Variants in ZHX2 observed in about 807,000 individuals in gnomAD.
ZHX2 encodes the protein zinc fingers and homeoboxes 2.
Under a neutral mutation model 21.9 loss-of-function variants are expected in ZHX2, and 6 were observed. The observed-to-expected ratio is 0.27, with a 90% CI of 0.15 to 0.54. The LOEUF (loss-of-function observed/expected upper bound fraction) is 0.54, where lower values mean the gene tolerates loss of function less well. ZHX2 is among the 20% of genes least tolerant of loss of function. The probability of loss-of-function intolerance (pLI) is 0.95; values close to 1 mark genes in which losing one functional copy is unlikely to be tolerated. For synonymous variants in ZHX2, 434 were observed against 437.1 expected, an observed-to-expected ratio of 0.99 and a Z score of 0.09; for missense variants, 908 against 1,090.7, an observed-to-expected ratio of 0.83 and a Z score of 2.36.
intron 2 of ZHX2, among the ~76,000 whole-genome samples, chr8:122,927,483 A>G (rs1586394953): frequency 6.6e-6 from 1 of 152,068 alleles, no homozygotes; most frequent in African/African-American, 2.4e-5. Flanking sequence ...CAACAGAGTG[A>G]GATTCCATCT....
intron 2 of ZHX2, among the ~76,000 whole-genome samples, chr8:122,877,395 C>T (rs1313755117): frequency 1.3e-5 from 2 of 152,140 alleles, no homozygotes; most frequent in African/African-American, 4.8e-5. Flanking sequence ...AGTGCTTACT[C>T]CATCCCAGGC....
At chr8:122,924,906 G>A (rs952020153) in intron 2 of ZHX2, among the ~76,000 whole-genome samples, 2 of 152,146 alleles carry the variant, frequency 1.3e-5, no homozygotes, top group African/African-American at 4.8e-5. Context: ...AGTTACTTCT[G>A]CTGCTAATAA....
chr8:122,903,283 C>T (rs953744864), intron 2 of ZHX2, among the ~76,000 whole-genome samples: 7 of 152,230 alleles, frequency 4.6e-5, no homozygotes, highest in African/African-American at 1.7e-4. Context: ...AAGAGATTCA[C>T]ACTGACAGGC....
chr8:122,938,708 T>G (rs941469062), intron 2 of ZHX2, among the ~76,000 whole-genome samples: 8 of 151,910 alleles, frequency 5.3e-5, no homozygotes, highest in Non-Finnish European at 1.0e-4. Flanking sequence ...CATGGGGGGA[T>G]GTACCTGTTG....
chr8:122,797,057 C>G (rs1817626915), intron 1 of ZHX2, among the ~76,000 whole-genome samples: 1 of 152,172 alleles, frequency 6.6e-6, no homozygotes, highest in African/African-American at 2.4e-5. Context: ...TGGTTTCCTT[C>G]AGGTGCAGGA....
chr8:122,788,488 GC>G (rs1258568372), intron 1 of ZHX2, among the ~76,000 whole-genome samples: 1 of 152,174 alleles, frequency 6.6e-6, no homozygotes, highest in Admixed American at 6.5e-5. Flanking sequence ...GATCGCTTGA[GC>G]CCGGGAGGTC....
intron 1 of ZHX2, among the ~76,000 whole-genome samples, chr8:122,813,718 A>G (rs1817975372): frequency 1.3e-5 from 2 of 152,200 alleles, no homozygotes; most frequent in Non-Finnish European, 2.9e-5. Context: ...TTCTAATGCA[A>G]AGATCCAAAA....
intron 2 of ZHX2, among the ~76,000 whole-genome samples, chr8:122,873,831 C>G (rs756537840): frequency 6.6e-6 from 1 of 152,110 alleles, no homozygotes; most frequent in African/African-American, 2.4e-5. Flanking sequence ...AGAGGCCTCC[C>G]GAATTGCTTA....
At chr8:122,814,169 C>T (rs1401930609) in intron 1 of ZHX2, among the ~76,000 whole-genome samples, 1 of 152,158 alleles carries the variant, frequency 6.6e-6, no homozygotes, top group Admixed American at 6.5e-5. Flanking sequence ...CATGAAAGCC[C>T]ACATGCATAA....
At chr8:122,908,498 C>A (rs1239551828) in intron 2 of ZHX2, among the ~76,000 whole-genome samples, 4 of 152,204 alleles carry the variant, frequency 2.6e-5, no homozygotes, top group Admixed American at 2.6e-4. Flanking sequence ...GCATGAGCCA[C>A]TGTGCCTGGC....
intron 2 of ZHX2, among the ~76,000 whole-genome samples, chr8:122,930,556 A>ATTTT (rs34534125): frequency 6.2e-5 from 9 of 145,198 alleles, no homozygotes; most frequent in African/African-American, 1.3e-4. Context: ...TCCTGAGAGA[A>ATTTT]TTTTTTTTTT....
In ZHX2 at chr8:122,893,123, G is replaced by GT. The variant is rs200467806; in HGVS notation, c.-220+29592dup. ...TTCTTGAGTAGTTGGTTTTTGTTTT[G>GT]TTTTTTTTCTTTCAGCACTTTGATT... On this transcript the variant is annotated intron_variant, in intron 2 of 3. Coordinates refer to ENST00000314393, the MANE Select transcript of ZHX2 (RefSeq NM_014943.5). 4.0e-3 allele frequency among the ~76,000 whole-genome samples: 604 copies of GT among 151,896 alleles called. 9 individuals are homozygous for GT. Among genetic ancestry groups the GT allele is most frequent in the African/African-American group, 0.013 (555 of 41,424 alleles).
intron 2 of ZHX2, among the ~76,000 whole-genome samples, chr8:122,949,649 GCCTGGACAACATGGCAAAACC>G (rs1381569440): frequency 3.3e-5 from 5 of 152,042 alleles, no homozygotes; most frequent in Admixed American, 6.5e-5. Context: ...TTGGAGACCA[GCCTGGACAACATGGCAAAACC>G]CCTGGACAAC....
At chr8:122,787,634 G>C (rs1385707554) in intron 1 of ZHX2, among the ~76,000 whole-genome samples, 1 of 152,212 alleles carries the variant, frequency 6.6e-6, no homozygotes, top group Admixed American at 6.5e-5. Context: ...CTGGGGCTTC[G>C]GGGAGTAGCC....
At chr8:122,930,972 A>T (rs2130140998) in intron 2 of ZHX2, among the ~76,000 whole-genome samples, 1 of 151,800 alleles carries the variant, frequency 6.6e-6, no homozygotes, top group African/African-American at 2.4e-5. Context: ...TGGTGTTATC[A>T]TGGGAGGCCT....
At chr8:122,866,120 C>A (rs910162625) in intron 2 of ZHX2, among the ~76,000 whole-genome samples, 1 of 152,122 alleles carries the variant, frequency 6.6e-6, no homozygotes, top group Non-Finnish European at 1.5e-5. Context: ...GGGAAGTAGT[C>A]GTGAAGACTG....
intron 3 of ZHX2, among the ~76,000 whole-genome samples, chr8:122,958,657 C>T (rs1267577184): frequency 1.3e-5 from 2 of 152,184 alleles, no homozygotes; most frequent in Non-Finnish European, 2.9e-5. Flanking sequence ...AGCTGGAAGA[C>T]CTTGGAGGCC....
At chr8:122,805,405 C>T (rs1013781160) in intron 1 of ZHX2, among the ~76,000 whole-genome samples, 3 of 152,108 alleles carry the variant, frequency 2.0e-5, no homozygotes, top group Admixed American at 6.5e-5. Flanking sequence ...AGTGGCCACT[C>T]GAAATCTGAG....
At chr8:122,967,083 G>A (rs1337107351) in intron 3 of ZHX2, among the ~76,000 whole-genome samples, 1 of 151,966 alleles carries the variant, frequency 6.6e-6, no homozygotes, top group Non-Finnish European at 1.5e-5. Context: ...CTTTAAATTG[G>A]TTTTCACCTT....
Sources: gnomAD v4.1 joint callset for allele counts (sites outside exome capture counted in the v4.1 genomes callset) on GRCh38, gnomAD v4.1.1 for gene constraint, MANE v1.5 for transcripts, NCBI Gene and HGNC (gene_info 2026-07-23, HGNC 2026-07-21) for gene names.